Variants in SLC25A36 observed in about 807,000 individuals in gnomAD.
SLC25A36 encodes the protein epididymis secretory sperm binding protein.
SLC25A36 carries 24 observed loss-of-function variants against 35.3 expected under a neutral mutation model. That is an observed-to-expected ratio of 0.68 (90% CI 0.49 to 0.96). The LOEUF (loss-of-function observed/expected upper bound fraction) is 0.96, where lower values mean the gene tolerates loss of function less well. Among genes scored for constraint, SLC25A36 ranks in the 40% least tolerant of loss-of-function variants. The pLI is 0.00. For missense variants in SLC25A36, 294 were observed against 381.1 expected (o/e 0.77, Z 1.90); for synonymous variants, 141 against 132.2 (o/e 1.07, Z -0.46).
intron 3 of SLC25A36, among the ~76,000 whole-genome samples, 184 bp downstream of exon 3, chr3:140,959,724 ATAAAG>A (rs1336771910): frequency 2.0e-5 from 3 of 152,212 alleles, no homozygotes; most frequent in African/African-American, 7.2e-5. Context: ...AATTTATATA[ATAAAG>A]TAATGTTTGG....
rs142592638 is a variant in SLC25A36 at position 140,944,267 on chromosome 3, G to A, written c.41+2172G>A. The stretch of plus-strand genomic sequence containing the variant: ...ATTGTAATATTCAAATATGTTTATC[G>A]GAATCCCACATTTCTAATAGCCTAG... On this transcript the variant is annotated intron_variant, in intron 1 of 6. Transcript: ENST00000324194. 6.8e-4 allele frequency among the ~76,000 whole-genome samples: 104 copies of A among 152,144 alleles called. 1 individual carries two copies. The South Asian group carries it at 7.1e-3, about 10-fold the overall frequency.
intron 3 of SLC25A36, 115 bp from the exon 4 acceptor site, chr3:140,963,012 G>A (rs972452490): frequency 1.7e-6 from 1 of 576,128 alleles, no homozygotes; most frequent in Non-Finnish European, 2.8e-6. Context: ...ATGAGAATGT[G>A]GCTAGGACTT....
chr3:140,979,059 A>T lies in SLC25A36; in HGVS notation c.*2606A>T, dbSNP rs1256205720. ...AAGAATTAGCGTTTGTGATTTCGGG[A>T]TACCATGCAGTGGTTTTAATCCCAG... On this transcript the variant is annotated 3_prime_UTR_variant, in exon 7 of 7. Transcript: ENST00000324194. The T allele has an allele frequency of 6.6e-6, 1 of 152,128 alleles. No homozygotes were observed. Among genetic ancestry groups the T allele is most frequent in the African/African-American group, 2.4e-5 (1 of 41,430 alleles). 9.4% of individuals were successfully genotyped at this position (152,128 alleles called of 1,614,324 possible).
chr3:140,959,403 GTAAA>G, intron 2 of SLC25A36, 56 bp from the exon 3 acceptor site: 1 of 905,734 alleles, frequency 1.1e-6, no homozygotes, highest in Admixed American at 3.6e-5. Context: ...TATATACAAA[GTAAA>G]TAAAGTACCA....
At position 140,971,115 on chromosome 3, in the gene SLC25A36, G is replaced by T. The variant is rs539290090; in HGVS notation, c.452+122G>T. The T allele has an allele frequency of 7.3e-4, 403 of 549,960 alleles. 8 individuals carry two copies. The highest frequency in any genetic ancestry group is 7.2e-3 in the South Asian group (291 of 40,642). The allele number at this position is 549,960 out of a possible 1,614,324, so 34.1% of individuals were successfully genotyped here. ...GTTGTAGTTTAATTTTGAAACTTGG[G>T]TCTGCCATCAGAAAAAAGATAATGT... is the stretch of plus-strand genomic sequence containing the variant. On this transcript the variant is annotated intron_variant, in intron 5 of 6. Coordinates refer to ENST00000324194, the MANE Select transcript of SLC25A36 (RefSeq NM_001104647.3).
At chr3:140,967,933 T>G in intron 4 of SLC25A36, 1 of 968,310 alleles carries the variant, frequency 1.0e-6, no homozygotes, top group Non-Finnish European at 1.2e-6. Context: ...TTAATATAAA[T>G]TGGCAAATTA....
chr3:140,961,964 TG>T (rs757719091), intron 3 of SLC25A36, among the ~76,000 whole-genome samples: 1 of 150,080 alleles, frequency 6.7e-6, no homozygotes, highest in Non-Finnish European at 1.5e-5. Context: ...ACTTACCAAA[TG>T]GACTAAGAGG....
rs149051379 is a variant in SLC25A36, at chr3:140,974,599, G to T, written c.742+594G>T. Among the ~76,000 whole-genome samples, 119 of 152,188 alleles carry T rather than the reference G, an allele frequency of 7.8e-4. 1 individual carries two copies. Among genetic ancestry groups the T allele is most frequent in the African/African-American group, 2.8e-3 (115 of 41,520 alleles). ...ATTTCTGTATTTAAATTTTATAATAGCCTATTTCATTAATAGCTAGGTAAA... is the reference window on the plus strand; with the variant it reads ...ATTTCTGTATTTAAATTTTATAATATCCTATTTCATTAATAGCTAGGTAAA... On this transcript the variant is annotated intron_variant, in intron 6 of 6. Coordinates refer to ENST00000324194, the MANE Select transcript of SLC25A36 (RefSeq NM_001104647.3).
intron 4 of SLC25A36, chr3:140,965,041 G>A (rs1033585402): frequency 2.0e-5 from 3 of 151,804 alleles, no homozygotes; most frequent in Admixed American, 1.3e-4. Flanking sequence ...TTGTTCAGAG[G>A]TTATTGCACT....
intron 4 of SLC25A36, chr3:140,965,002 C>A (rs952252808): frequency 2.6e-5 from 4 of 151,850 alleles, no homozygotes; most frequent in Admixed American, 6.6e-5. Flanking sequence ...TTGAATTCCT[C>A]AAGTTTTGGT....
rs906518818 is a variant in SLC25A36, at chr3:140,977,540, A to T, written c.*1087A>T. On this transcript the variant is annotated 3_prime_UTR_variant, in exon 7 of 7. Transcript: ENST00000324194. ...GACTTATAGTTTTGTGTAAATGAACAAACTGCTTTTGACAAGAAATTTATT... is the reference window on the plus strand; with the variant it reads ...GACTTATAGTTTTGTGTAAATGAACTAACTGCTTTTGACAAGAAATTTATT... 3 of 152,218 alleles carry T rather than the reference A, an allele frequency of 2.0e-5. No individual in the cohort carries two copies. Among genetic ancestry groups the T allele is most frequent in the African/African-American group, 7.2e-5 (3 of 41,452 alleles). 9.4% of individuals were successfully genotyped at this position (152,218 alleles called of 1,614,324 possible).
intron 3 of SLC25A36, among the ~76,000 whole-genome samples, chr3:140,959,877 A>T (rs1934584315): frequency 6.6e-6 from 1 of 152,186 alleles, no homozygotes; most frequent in African/African-American, 2.4e-5. Context: ...TAAATTATTG[A>T]TAGTCTTATA....
intron 3 of SLC25A36, among the ~76,000 whole-genome samples, chr3:140,960,322 A>G (rs1934596011): frequency 1.3e-5 from 2 of 152,202 alleles, no homozygotes. Context: ...TGACTCTAAG[A>G]AAGGTAAGCA....
At chr3:140,972,724 T>C (rs1934938370) in intron 5 of SLC25A36, 1 of 152,170 alleles carries the variant, frequency 6.6e-6, no homozygotes, top group Non-Finnish European at 1.5e-5. Flanking sequence ...GGAAGGATCT[T>C]TAATGAAACT....
At chr3:140,969,290 C>T (rs776480544) in intron 4 of SLC25A36, among the ~76,000 whole-genome samples, 1 of 151,340 alleles carries the variant, frequency 6.6e-6, no homozygotes, top group Non-Finnish European at 1.5e-5. Flanking sequence ...TTTCTTTTAC[C>T]AAGAATATAT....
At chr3:140,958,457 A>G (rs1025276183) in intron 2 of SLC25A36, among the ~76,000 whole-genome samples, 1 of 152,248 alleles carries the variant, frequency 6.6e-6, no homozygotes, top group Non-Finnish European at 1.5e-5. Flanking sequence ...CCAAAACAAA[A>G]CAGCAAATTT....
rs1292667693 is a variant in SLC25A36, at chr3:140,957,917, CACA to C, written c.206+1227_206+1229del. On this transcript the variant is annotated intron_variant, in intron 2 of 6. Coordinates refer to ENST00000324194, the MANE Select transcript of SLC25A36 (RefSeq NM_001104647.3). ...TTTTTCAGTAGTTTTGCCTTCCCTT[CACA>C]GGAGCTTTAGTAATCCTTCTGGGCT... Among the ~76,000 whole-genome samples, 754 of 152,272 alleles carry C rather than the reference CACA, an allele frequency of 5.0e-3. 9 individuals carry two copies. Among genetic ancestry groups the C allele is most frequent in the African/African-American group, 0.015 (627 of 41,550 alleles).
chr3:140,967,919 A>T, intron 4 of SLC25A36: 1 of 923,226 alleles, frequency 1.1e-6, no homozygotes, highest in Non-Finnish European at 1.3e-6. Context: ...AGGTGCTCAG[A>T]ATCTTAATAT....
At chr3:140,974,821 G>C (rs969462859) in intron 6 of SLC25A36, among the ~76,000 whole-genome samples, 73 of 152,162 alleles carry the variant, frequency 4.8e-4, no homozygotes, top group African/African-American at 1.7e-3. Flanking sequence ...CCTAGAAAAT[G>C]TGTATTTGCT....
Sources: gnomAD v4.1 joint callset for allele counts (sites outside exome capture counted in the v4.1 genomes callset) on GRCh38, gnomAD v4.1.1 for gene constraint, MANE v1.5 for transcripts, NCBI Gene and HGNC (gene_info 2026-07-23, HGNC 2026-07-21) for gene names.